The following DENND1B variants were observed in gnomAD, a reference collection of about 807,000 sequenced individuals.
The protein encoded by DENND1B is DENN domain-containing protein 1B.
A neutral mutation model predicts 90.1 loss-of-function variants in DENND1B; 59 were observed. The ratio of observed to expected loss-of-function variants is 0.65; its 90% CI spans 0.53 to 0.81. The LOEUF (loss-of-function observed/expected upper bound fraction) is 0.81, where lower values mean the gene tolerates loss of function less well. Ranked by LOEUF, DENND1B falls within the 40% of genes least tolerant of loss-of-function variation. The probability of loss-of-function intolerance (pLI) is 0.00; values close to 1 mark genes in which losing one functional copy is unlikely to be tolerated. For synonymous variants in DENND1B, 337 were observed against 324.6 expected (o/e 1.04, Z -0.41); for missense variants, 862 against 912.6 (o/e 0.94, Z 0.71).
At chr1:197,780,722 T>C in the DENND1B span, among the ~76,000 whole-genome samples, 1 of 152,220 alleles carries the variant, frequency 6.6e-6, no homozygotes, top group African/African-American at 2.4e-5. Flanking sequence ...TTCTGAATTT[T>C]TAGTTGATTT....
chr1:197,635,237 T>G (rs746087748), intron 10 of DENND1B, among the ~76,000 whole-genome samples: 8 of 152,234 alleles, frequency 5.3e-5, no homozygotes, highest in Non-Finnish European at 1.0e-4. Context: ...AATTAATAAT[T>G]TTTTATTTTA....
intron 13 of DENND1B, among the ~76,000 whole-genome samples, chr1:197,598,808 T>C (rs1572020314): frequency 1.3e-5 from 2 of 151,854 alleles, no homozygotes; most frequent in East Asian, 3.9e-4. Flanking sequence ...ACAAAGGACA[T>C]TTTATTGTAT....
chr1:197,727,912 T>C (rs1340467139), intron 2 of DENND1B, among the ~76,000 whole-genome samples: 1 of 152,186 alleles, frequency 6.6e-6, no homozygotes, highest in Non-Finnish European at 1.5e-5. Flanking sequence ...TTGAAAGTTC[T>C]TCCCAATGTC....
intron 10 of DENND1B, among the ~76,000 whole-genome samples, chr1:197,637,852 C>G (rs770702890): frequency 1.3e-5 from 2 of 152,170 alleles, no homozygotes; most frequent in Non-Finnish European, 2.9e-5. Context: ...CAAAAATACA[C>G]TTTAATAACC....
chr1:197,665,402 T>C (rs1435372131), intron 5 of DENND1B, among the ~76,000 whole-genome samples: 1 of 152,182 alleles, frequency 6.6e-6, no homozygotes. Flanking sequence ...ACAAATGTTC[T>C]AGCTTAGAAC....
At chr1:197,627,856 A>C (rs539530331) in intron 10 of DENND1B, among the ~76,000 whole-genome samples, 3 of 152,270 alleles carry the variant, frequency 2.0e-5, no homozygotes, top group Admixed American at 6.5e-5. Context: ...TCAATGTACA[A>C]AAATCACAAG....
rs10494755 is a variant in DENND1B, at chr1:197,511,856, C to T, written c.1687G>A (p.Gly563Ser). The T allele has an allele frequency of 0.086, 138,553 of 1,610,748 alleles. 6,878 individuals are homozygous for T. The highest frequency in any genetic ancestry group is 0.1 in the Non-Finnish European group (119,790 of 1,177,828). The change falls in exon 22 of 23, where the codon GGT becomes AGT. Residue 563 changes from glycine to serine, a missense_variant. Physicochemically the swap from Gly to Ser is moderately conservative, Grantham distance 56 (BLOSUM62 0). Coordinates refer to ENST00000620048, the MANE Select transcript of DENND1B (RefSeq NM_001195215.2). ...VETRVKTPYS[G>S]EMDLLGEILD... Reference sequence around the variant, plus strand: ...ATCTCTCCTAGTAAGTCCATTTCACCTGAGTAAGGAGTCTTCACTCTTGTT... The same window carrying T: ...ATCTCTCCTAGTAAGTCCATTTCACTTGAGTAAGGAGTCTTCACTCTTGTT...
At chr1:197,614,022 C>A (rs905336405) in intron 11 of DENND1B, among the ~76,000 whole-genome samples, 2 of 149,402 alleles carry the variant, frequency 1.3e-5, no homozygotes, top group Admixed American at 6.7e-5. Context: ...CTGAATACAT[C>A]TAGGAAAACT....
rs201626950 is a variant in DENND1B at position 197,610,872 on chromosome 1, GT to G, written c.819+1058del. Among the ~76,000 whole-genome samples, 896 of 146,730 alleles carry G rather than the reference GT, an allele frequency of 6.1e-3. 13 individuals carry two copies. Among genetic ancestry groups the G allele is most frequent in the African/African-American group, 0.02 (834 of 41,038 alleles). On this transcript the variant is annotated intron_variant, in intron 12 of 22. Transcript: ENST00000620048. ...CTACTAAAGATATTTATTTAAATATGTTTTTTTTGTTATTGTTGAAACAAAT... is the reference window on the plus strand; with the variant it reads ...CTACTAAAGATATTTATTTAAATATGTTTTTTTGTTATTGTTGAAACAAAT...
chr1:197,735,277 G>A (rs894097552), intron 2 of DENND1B: 1 of 1,159,588 alleles, frequency 8.6e-7, no homozygotes, highest in Non-Finnish European at 1.1e-6. Context: ...CCCAAATACT[G>A]GAGGCAGAAT....
chr1:197,632,553 A>T (rs1406155882), intron 10 of DENND1B, among the ~76,000 whole-genome samples: 1 of 152,164 alleles, frequency 6.6e-6, no homozygotes, highest in East Asian at 1.9e-4. Context: ...TTATAGAATC[A>T]CAAATTAGTA....
At chr1:197,631,230 A>G (rs1424427199) in intron 10 of DENND1B, among the ~76,000 whole-genome samples, 1 of 152,160 alleles carries the variant, frequency 6.6e-6, no homozygotes, top group Non-Finnish European at 1.5e-5. Flanking sequence ...TATGGTTTAT[A>G]CAAAAATTAC....
chr1:197,700,997 A>G (rs1558419457), intron 3 of DENND1B, among the ~76,000 whole-genome samples: 2 of 152,222 alleles, frequency 1.3e-5, no homozygotes, highest in Non-Finnish European at 2.9e-5. Context: ...AAATTAGTTC[A>G]ACCATTGTAG....
chr1:197,747,969 C>G (rs550201469), intron 2 of DENND1B, among the ~76,000 whole-genome samples: 2 of 152,266 alleles, frequency 1.3e-5, no homozygotes, highest in African/African-American at 4.8e-5. Context: ...CCATAAGAGG[C>G]TAACCAGTTA....
intron 2 of DENND1B, among the ~76,000 whole-genome samples, chr1:197,721,426 C>A (rs1661167812): frequency 6.6e-6 from 1 of 151,976 alleles, no homozygotes; most frequent in Non-Finnish European, 1.5e-5. Context: ...GTCTCAGGAC[C>A]ACACTTTGAG....
intron 13 of DENND1B, among the ~76,000 whole-genome samples, chr1:197,604,360 G>A (rs1421048776): frequency 6.6e-6 from 1 of 151,166 alleles, no homozygotes; most frequent in Non-Finnish European, 1.5e-5. Flanking sequence ...TACCTTAAGA[G>A]TAGCGGAACT....
intron 11 of DENND1B, among the ~76,000 whole-genome samples, chr1:197,615,543 A>T (rs1221769006): frequency 6.6e-6 from 1 of 151,076 alleles, no homozygotes; most frequent in Non-Finnish European, 1.5e-5. Flanking sequence ...ATTCATAAAA[A>T]GTATTTAATC....
chr1:197,517,917 C>T (rs893411779), intron 20 of DENND1B, among the ~76,000 whole-genome samples: 1 of 101,906 alleles, frequency 9.8e-6, no homozygotes, highest in Non-Finnish European at 2.1e-5. Flanking sequence ...CCCCAGCCTC[C>T]CCATGTTTTG....
intron 2 of DENND1B, among the ~76,000 whole-genome samples, chr1:197,745,388 G>A (rs892821707): frequency 2.0e-5 from 3 of 151,946 alleles, no homozygotes; most frequent in Admixed American, 6.6e-5. Flanking sequence ...GCCATTGTAG[G>A]GTTATCAATT....
Sources: gnomAD v4.1 joint callset for allele counts (sites outside exome capture counted in the v4.1 genomes callset) on GRCh38, gnomAD v4.1.1 for gene constraint, MANE v1.5 for transcripts, NCBI Gene and HGNC (gene_info 2026-07-23, HGNC 2026-07-21) for gene names.